Variants in SERINC5 observed in about 807,000 individuals in gnomAD.
The protein encoded by SERINC5 is serine incorporator 5.
In SERINC5, 41 loss-of-function variants were observed where a neutral mutation model predicts 63.1. The observed-to-expected ratio is 0.65, with a 90% CI of 0.51 to 0.84. The LOEUF (loss-of-function observed/expected upper bound fraction) is 0.84, where lower values mean the gene tolerates loss of function less well. Among genes scored for constraint, SERINC5 ranks in the 40% least tolerant of loss-of-function variants. The pLI is 0.00. For missense variants in SERINC5, 523 were observed against 573.0 expected (o/e 0.91, Z 0.89); for synonymous variants, 222 against 215.2 (o/e 1.03, Z -0.28).
At chr5:80,239,330 T>C (rs1256232773) in intron 1 of SERINC5, among the ~76,000 whole-genome samples, 1 of 152,206 alleles carries the variant, frequency 6.6e-6, no homozygotes, top group East Asian at 1.9e-4. Flanking sequence ...CTGACCATTA[T>C]CCTTAAAAAC....
At position 80,153,314 on chromosome 5, in the gene SERINC5, C is replaced by T. The variant is rs181826467; in HGVS notation, c.987-2366G>A. 5.3e-5 allele frequency among the ~76,000 whole-genome samples: 8 copies of T among 151,810 alleles called. No homozygotes were observed. In the South Asian group the frequency reaches 6.3e-4, roughly 12 times the overall value. On this transcript the variant is annotated intron_variant, in intron 8 of 11. Transcript: ENST00000507668. Reference sequence around the variant, plus strand: ...CTCTACTAAAAATATAAAAATTAGCCGGGCATGGTGGGGGGCGCCTGTAAT... The same window carrying T: ...CTCTACTAAAAATATAAAAATTAGCTGGGCATGGTGGGGGGCGCCTGTAAT...
chr5:80,209,273 C>T (rs572192082), intron 1 of SERINC5, among the ~76,000 whole-genome samples: 3 of 152,098 alleles, frequency 2.0e-5, no homozygotes, highest in South Asian at 2.1e-4. Context: ...TCTGTCTCAA[C>T]GAAAAAGGTA....
In SERINC5 at chr5:80,198,741, G is replaced by A. The variant is rs929363041; in HGVS notation, c.195+4145C>T. The A allele has an allele frequency of 1.5e-5, 15 of 981,602 alleles. No homozygotes were observed. The East Asian group carries it at 3.4e-4, about 22-fold the overall frequency. The allele number at this position is 981,602 out of a possible 1,614,324, so 60.8% of individuals were successfully genotyped here. ...GGTCAGCCTCTCTTCTGTAGGCCAC[G>A]AAACAAGCTGACTTTGTGGCCAGAT... On this transcript the variant is annotated intron_variant, in intron 2 of 11. Transcript: ENST00000507668.
At chr5:80,219,601 C>T (rs1404572124) in intron 1 of SERINC5, among the ~76,000 whole-genome samples, 1 of 152,104 alleles carries the variant, frequency 6.6e-6, no homozygotes, top group Non-Finnish European at 1.5e-5. Context: ...CATTCCAAGG[C>T]AAGCTGGCAC....
At chr5:80,149,959 T>C (rs1746061969) in intron 9 of SERINC5, among the ~76,000 whole-genome samples, 1 of 152,146 alleles carries the variant, frequency 6.6e-6, no homozygotes, top group Admixed American at 6.5e-5. Flanking sequence ...AACAGACATT[T>C]TGTTGACTGA....
At chr5:80,164,895 A>G (rs1747168877) in intron 7 of SERINC5, among the ~76,000 whole-genome samples, 1 of 148,806 alleles carries the variant, frequency 6.7e-6, no homozygotes, top group Admixed American at 6.7e-5. Flanking sequence ...TGAAATTTAA[A>G]ATAACTTTTT....
chr5:80,169,301 A>G (rs570738684), intron 6 of SERINC5, 34 bp downstream of exon 6: 9 of 1,570,994 alleles, frequency 5.7e-6, no homozygotes, highest in Admixed American at 5.1e-5. Context: ...TTAGGAAAAT[A>G]TAAGTAACGA....
At chr5:80,189,866 C>T (rs144329064) in intron 2 of SERINC5, among the ~76,000 whole-genome samples, 1 of 152,058 alleles carries the variant, frequency 6.6e-6, no homozygotes, top group African/African-American at 2.4e-5. Flanking sequence ...TGCATGCCAA[C>T]ACATCCGCTA....
intron 12 of SERINC5, among the ~76,000 whole-genome samples, chr5:80,113,287 A>AG (rs1214360365): frequency 6.6e-6 from 1 of 152,220 alleles, no homozygotes; most frequent in African/African-American, 2.4e-5. Flanking sequence ...AGAAATGATC[A>AG]GCATTGTCCA....
At position 80,143,700 on chromosome 5, in the gene SERINC5, G is replaced by A. The variant is rs1355257544; in HGVS notation, c.1349C>T (p.Ala450Val). ...CTCCCGGGTGGGGCAGCAGAGGGGA[G>A]CGACCAGCGTACACAGGTACAACAG... ...CVLLYLCTLV[A>V]PLCCPTREFS... The change falls in exon 12 of 12, where the codon GCT becomes GTT. Residue 450 changes from alanine to valine, a missense_variant. By Grantham distance (64) the Ala-to-Val change is moderately conservative (BLOSUM62 0). Transcript: ENST00000507668. 4 of 1,536,004 alleles carry A rather than the reference G, an allele frequency of 2.6e-6. No individual in the cohort carries two copies. Among genetic ancestry groups the A allele is most frequent in the Non-Finnish European group, 3.5e-6 (4 of 1,146,878 alleles).
intron 8 of SERINC5, among the ~76,000 whole-genome samples, chr5:80,155,460 C>T (rs1354712699): frequency 6.6e-6 from 1 of 151,914 alleles, no homozygotes; most frequent in Non-Finnish European, 1.5e-5. Flanking sequence ...ATAATCCCAG[C>T]TCCTCAGGAG....
chr5:80,213,245 C>CAAAAAAAAA (rs57289084), intron 1 of SERINC5, among the ~76,000 whole-genome samples: 3 of 132,680 alleles, frequency 2.3e-5, no homozygotes, highest in East Asian at 2.2e-4. Flanking sequence ...GACTGCATCT[C>CAAAAAAAAA]AAAGAAAGAA....
intron 1 of SERINC5, among the ~76,000 whole-genome samples, chr5:80,220,780 T>G: frequency 6.6e-6 from 1 of 151,078 alleles, no homozygotes; most frequent in African/African-American, 2.4e-5. Context: ...AATCAAGTAG[T>G]AACTGGAAAA....
chr5:80,173,322 G>A (rs1747800353), intron 5 of SERINC5, among the ~76,000 whole-genome samples: 1 of 152,126 alleles, frequency 6.6e-6, no homozygotes, highest in Non-Finnish European at 1.5e-5. Context: ...GAAGCCGGGT[G>A]CAGTGGCTCA....
chr5:80,233,711 C>T (rs1462098771), intron 1 of SERINC5, among the ~76,000 whole-genome samples: 1 of 150,628 alleles, frequency 6.6e-6, no homozygotes. Flanking sequence ...ACTTTAGGAG[C>T]TGAAATTGCT....
Position 80,147,242 on chromosome 5 carries a change from T to C in SERINC5, c.1093+3A>G. On this transcript the variant is annotated splice_donor_region_variant and intron_variant, in intron 10 of 11. Transcript: ENST00000507668. ...GTGCAAAGAATAAAAGCGCTCTGCT[T>C]ACCCTCTCCACCAGGACTGAAGCAA... is the stretch of plus-strand genomic sequence containing the variant. 1 of 1,600,804 alleles carries C rather than the reference T, an allele frequency of 6.2e-7. No individual in the cohort carries two copies. Among genetic ancestry groups the C allele is most frequent in the Non-Finnish European group, 8.5e-7 (1 of 1,174,120 alleles).
intron 7 of SERINC5, among the ~76,000 whole-genome samples, chr5:80,159,585 C>A (rs1580083479): frequency 6.6e-6 from 1 of 152,124 alleles, no homozygotes; most frequent in African/African-American, 2.4e-5. Flanking sequence ...TGGCTGGCAG[C>A]CCCTAGGTAG....
chr5:80,244,320 A>G (rs931007449), intron 1 of SERINC5, among the ~76,000 whole-genome samples: 2 of 151,506 alleles, frequency 1.3e-5, no homozygotes, highest in African/African-American at 4.9e-5. Flanking sequence ...GGTTTAAGCG[A>G]TTCTCCAGCC....
chr5:80,220,872 G>C (rs543200830), intron 1 of SERINC5, among the ~76,000 whole-genome samples: 111 of 152,222 alleles, frequency 7.3e-4, no homozygotes, highest in Non-Finnish European at 1.2e-3. Context: ...GGAGTGACAG[G>C]AACAGAGGTT....
Sources: allele counts gnomAD v4.1 joint callset (sites outside exome capture counted in the v4.1 genomes callset), GRCh38; gene constraint gnomAD v4.1.1; transcripts MANE v1.5; gene names NCBI Gene and HGNC (gene_info 2026-07-23, HGNC 2026-07-21).